ATP11A: variants seen among roughly 807,000 people sequenced by gnomAD.
ATP11A encodes phospholipid-transporting ATPase IH.
In ATP11A, 81 loss-of-function variants were observed where a neutral mutation model predicts 154.4. The ratio of observed to expected loss-of-function variants is 0.52; its 90% CI spans 0.44 to 0.63. The LOEUF is 0.63. Among genes scored for constraint, ATP11A ranks in the 30% least tolerant of loss-of-function variants. The pLI is 0.00. For synonymous variants in ATP11A, 623 were observed against 585.9 expected (o/e 1.06, Z -0.91); for missense variants, 1,316 against 1,474.3 (o/e 0.89, Z 1.76).
chr13:112,809,390 C>G (rs1447907870), intron 4 of ATP11A, among the ~76,000 whole-genome samples: 1 of 152,196 alleles, frequency 6.6e-6, no homozygotes, highest in Non-Finnish European at 1.5e-5. Context: ...CTTGTTTATG[C>G]TCCCTTCGGA....
At chr13:112,803,485 T>C (rs1289474169) in intron 2 of ATP11A, among the ~76,000 whole-genome samples, 2 of 152,224 alleles carry the variant, frequency 1.3e-5, no homozygotes, top group Non-Finnish European at 2.9e-5. Flanking sequence ...TGTGAGACCT[T>C]CTTCAGGTTT....
intron 20 of ATP11A, 65 bp from the exon 21 acceptor site, chr13:112,857,753 G>T: frequency 7.6e-7 from 1 of 1,310,360 alleles, no homozygotes; most frequent in South Asian, 1.2e-5. Context: ...TTTCTGCCTA[G>T]TGAATGAATA....
intron 1 of ATP11A, among the ~76,000 whole-genome samples, chr13:112,736,013 C>G (rs953661100): frequency 6.6e-6 from 1 of 152,180 alleles, no homozygotes; most frequent in Non-Finnish European, 1.5e-5. Context: ...ATGCTCAGAG[C>G]AGGTGCAGGG....
At chr13:112,745,991 A>T (rs1223164060) in intron 1 of ATP11A, 1 of 152,090 alleles carries the variant, frequency 6.6e-6, no homozygotes, top group Non-Finnish European at 1.5e-5. Flanking sequence ...TGACCACTTT[A>T]GATACGTCAT....
chr13:112,831,073 G>C (rs1452886687), intron 12 of ATP11A, among the ~76,000 whole-genome samples: 1 of 152,126 alleles, frequency 6.6e-6, no homozygotes, highest in Non-Finnish European at 1.5e-5. Flanking sequence ...CCGGGGAATG[G>C]GACTATGAGA....
At chr13:112,751,589 G>A (rs1352470848) in intron 1 of ATP11A, among the ~76,000 whole-genome samples, 1 of 152,142 alleles carries the variant, frequency 6.6e-6, no homozygotes, top group Non-Finnish European at 1.5e-5. Context: ...GAACCCGGAA[G>A]GTGGAGGTTG....
Position 112,785,309 on chromosome 13 carries a change from G to A in ATP11A, c.162+52G>A, listed in dbSNP as rs774181538. 73 of 1,373,638 alleles carry A rather than the reference G, an allele frequency of 5.3e-5. No individual in the cohort carries two copies. The highest frequency in any genetic ancestry group is 1.9e-4 in the Middle Eastern group (1 of 5,134). 85.1% of individuals were successfully genotyped at this position (1,373,638 alleles called of 1,614,324 possible). ...ATAATGTGTCTAAAAAGCAGCTGCCGGGGGGTGTTAGTGCTTCTCGGTTTC... is the reference window on the plus strand; with the variant it reads ...ATAATGTGTCTAAAAAGCAGCTGCCAGGGGGTGTTAGTGCTTCTCGGTTTC... On this transcript the variant is annotated intron_variant, in intron 2 of 29. Coordinates refer to ENST00000375645, the MANE Select transcript of ATP11A (RefSeq NM_015205.3). The surrounding 1 kb of genome is among the most constrained non-coding windows in gnomAD (Gnocchi z 4.8).
chr13:112,864,487 TGCACA>T (rs1167587054), intron 25 of ATP11A, among the ~76,000 whole-genome samples: 2 of 86,158 alleles, frequency 2.3e-5, no homozygotes, highest in Middle Eastern at 8.9e-3. Flanking sequence ...CATCACCACA[TGCACA>T]GTAATTCAGT....
intron 12 of ATP11A, among the ~76,000 whole-genome samples, chr13:112,827,717 A>G (rs1282732263): frequency 1.3e-5 from 2 of 152,256 alleles, no homozygotes; most frequent in African/African-American, 4.8e-5. Context: ...GCCACTTTAG[A>G]CAGGTAGCTG....
chr13:112,862,907 G>A (rs1489388161), intron 25 of ATP11A, among the ~76,000 whole-genome samples: 7 of 146,182 alleles, frequency 4.8e-5, no homozygotes, highest in African/African-American at 7.8e-5. Flanking sequence ...TCCCAGCGGG[G>A]TCCATCACCA....
intron 1 of ATP11A, among the ~76,000 whole-genome samples, chr13:112,702,731 TGA>T (rs10608778): frequency 0.47 from 71,064 of 152,044 alleles, 17,557 homozygotes; most frequent in East Asian, 0.65. Flanking sequence ...CACGTGTGCA[TGA>T]GAGGAAGGCG....
At chr13:112,722,457 C>T (rs867171020) in intron 1 of ATP11A, among the ~76,000 whole-genome samples, 8 of 151,708 alleles carry the variant, frequency 5.3e-5, no homozygotes, top group Admixed American at 6.6e-5. Context: ...ATCAGGGTAG[C>T]GAGTTTCAGG....
At position 112,859,560 on chromosome 13, in the gene ATP11A, C is replaced by A; in HGVS notation, c.2727+108C>A. The stretch of plus-strand genomic sequence containing the variant: ...CTTGGGAATGAGCAGCACTCCCCGG[C>A]ACCACGAGGGAGCCAGGGTGCCCAG... On this transcript the variant is annotated intron_variant, in intron 23 of 29. Transcript: ENST00000375645. The surrounding 1 kb of genome is among the most constrained non-coding windows in gnomAD (Gnocchi z 4.3). The A allele has an allele frequency of 1.0e-6, 1 of 968,946 alleles. No homozygotes were observed. Among genetic ancestry groups the A allele is most frequent in the Non-Finnish European group, 1.7e-6 (1 of 599,666 alleles). 60.0% of individuals were successfully genotyped at this position (968,946 alleles called of 1,614,324 possible).
rs1319926645 is a variant in ATP11A, at chr13:112,735,044, GA to G, written c.39+44595del. Among the ~76,000 whole-genome samples, 9 of 152,238 alleles carry G rather than the reference GA, an allele frequency of 5.9e-5. No individual in the cohort carries two copies. In the East Asian group the frequency reaches 1.7e-3, roughly 29 times the overall value. On this transcript the variant is annotated intron_variant, in intron 1 of 29. Transcript: ENST00000375645. The stretch of plus-strand genomic sequence containing the variant: ...TAAAAGAGGACTTTTTTTAAAAAAA[GA>G]AAAAAGCTGAGAAAAATGTTAGCAG...
At chr13:112,826,982 G>A (rs964069397) in intron 12 of ATP11A, 91 bp downstream of exon 12, 13 of 1,364,466 alleles carry the variant, frequency 9.5e-6, no homozygotes, top group South Asian at 4.9e-5. Context: ...TCATCCGAGC[G>A]TGGCTGTACC....
rs912334915 is a variant in ATP11A at position 112,797,990 on chromosome 13, C to A, written c.163-6967C>A. ...CAGGTTTGGTGTCTGGTGAGGGCCC[C>A]ATCTCTGCTTCCAAGATGGCTCCTT... is the stretch of plus-strand genomic sequence containing the variant. On this transcript the variant is annotated intron_variant, in intron 2 of 29. Transcript: ENST00000375645. Among the ~76,000 whole-genome samples, 10 of 152,174 alleles carry A rather than the reference C, an allele frequency of 6.6e-5. No homozygotes were observed. In the East Asian group the frequency reaches 9.6e-4, roughly 15 times the overall value.
rs754284840 is a variant in ATP11A, at chr13:112,842,365, G to A, written c.1795G>A (p.Glu599Lys). The A allele has an allele frequency of 3.1e-6, 5 of 1,606,372 alleles. No individual in the cohort carries two copies. The highest frequency in any genetic ancestry group is 1.7e-5 in the Admixed American group (1 of 59,062). Residue 599 changes from glutamate to lysine, a missense_variant, in exon 17 of 30, where the codon GAG becomes AAG. Physicochemically the swap from Glu to Lys is moderately conservative, Grantham distance 56 (BLOSUM62 1). Around this residue, in one of 5 missense-constraint regions of ATP11A, gnomAD observed 876 missense variants for 1,006.8 expected, o/e 0.87. Coordinates refer to ENST00000375645, the MANE Select transcript of ATP11A (RefSeq NM_015205.3). ...GKVDQIRARV[E>K]RNAVEGLRTL... is the part of the protein sequence containing the mutation. The stretch of plus-strand genomic sequence containing the variant: ...AGTTGACCAGATCCGAGCCAGAGTG[G>A]AGCGTAACGCAGTGGTGAGAGCCGG...
At chr13:112,811,161 A>ACACAC (rs2078484592) in intron 5 of ATP11A, among the ~76,000 whole-genome samples, 2 of 115,580 alleles carry the variant, frequency 1.7e-5, no homozygotes, top group African/African-American at 3.6e-5. Flanking sequence ...TGCCCCTTCC[A>ACACAC]ACACACACAC....
At chr13:112,749,859 C>T (rs2076652528) in intron 1 of ATP11A, among the ~76,000 whole-genome samples, 1 of 143,332 alleles carries the variant, frequency 7.0e-6, no homozygotes, top group Non-Finnish European at 1.5e-5. Context: ...CTCCATCCTC[C>T]CATGTGGGGA....
Sources: gnomAD v4.1 joint callset for allele counts (sites outside exome capture counted in the v4.1 genomes callset) on GRCh38, gnomAD v4.1.1 for gene constraint, gnomAD v4.1.1 regional missense constraint, Gnocchi (gnomAD v3.1) non-coding constraint, MANE v1.5 for transcripts, NCBI Gene and HGNC (gene_info 2026-07-23, HGNC 2026-07-21) for gene names.